EIF2D: variants seen among roughly 807,000 people sequenced by gnomAD.
The protein encoded by EIF2D is eukaryotic translation initiation factor 2D, also known as hepatocellular carcinoma-associated antigen 56.
In EIF2D, 56 loss-of-function variants were observed where a neutral mutation model predicts 77.4. The ratio of observed to expected loss-of-function variants is 0.72; its 90% CI spans 0.58 to 0.90. The LOEUF is 0.90. Among genes scored for constraint, EIF2D ranks in the 40% least tolerant of loss-of-function variants. The probability of loss-of-function intolerance (pLI) is 0.00; values close to 1 mark genes in which losing one functional copy is unlikely to be tolerated. For missense variants in EIF2D, 574 were observed against 706.5 expected, an observed-to-expected ratio of 0.81 and a Z score of 2.13; for synonymous variants, 230 against 271.0, an observed-to-expected ratio of 0.85 and a Z score of 1.49.
downstream of EIF2D, among the ~76,000 whole-genome samples, chr1:206,591,010 A>T (rs1553408846): frequency 6.6e-6 from 1 of 152,214 alleles, no homozygotes; most frequent in African/African-American, 2.4e-5. Flanking sequence ...TCTCTCAGGA[A>T]AATGATCGTA....
chr1:206,595,689 C>A, intron 13 of EIF2D, 29 bp downstream of exon 13: 1 of 1,609,766 alleles, frequency 6.2e-7, no homozygotes, highest in Non-Finnish European at 8.5e-7. Context: ...AAATCACTAT[C>A]CTTGAACATT....
At chr1:206,583,299 C>A in intron 2 of EIF2D, 1 of 1,613,464 alleles carries the variant, frequency 6.2e-7, no homozygotes, top group Non-Finnish European at 8.5e-7. Context: ...GGAGACACAG[C>A]GCCCGCCCAC....
chr1:206,578,471 C>T (rs1175740915), intron 4 of EIF2D, among the ~76,000 whole-genome samples: 3 of 151,992 alleles, frequency 2.0e-5, no homozygotes, highest in Non-Finnish European at 4.4e-5. Context: ...AGTGAATCAT[C>T]GTCATCATTC....
At position 206,612,414 on chromosome 1, in the gene EIF2D, G is replaced by T; in HGVS notation, c.-72C>A. 2 of 1,596,830 alleles carry T rather than the reference G, an allele frequency of 1.3e-6. No individual in the cohort carries two copies. The stretch of plus-strand genomic sequence containing the variant: ...TCAAGAAAGCGAGGGCGCAGCAGCT[G>T]CCAGGCCCTCAGCCGTGGGGGCAGC... On this transcript the variant is annotated 5_prime_UTR_variant, in exon 1 of 15. Coordinates refer to ENST00000271764, the MANE Select transcript of EIF2D (RefSeq NM_006893.3).
chr1:206,585,284 G>A (rs1553407380), intron 2 of EIF2D: 1 of 1,613,828 alleles, frequency 6.2e-7, no homozygotes. Context: ...GAATGAAACT[G>A]GAGAGGTAGA....
intron 13 of EIF2D, 138 bp downstream of exon 13, chr1:206,595,580 C>T: frequency 9.2e-7 from 1 of 1,085,346 alleles, no homozygotes; most frequent in East Asian, 2.5e-5. Context: ...AGCCCAGGCA[C>T]ATAAACACGG....
intron 4 of EIF2D, among the ~76,000 whole-genome samples, chr1:206,575,649 A>G (rs1192301767): frequency 1.3e-5 from 2 of 152,214 alleles, no homozygotes; most frequent in Non-Finnish European, 2.9e-5. Context: ...AAGAGGAAGC[A>G]ATGATGAGAA....
chr1:206,574,467 C>T (rs1462008694), intron 4 of EIF2D, among the ~76,000 whole-genome samples: 2 of 152,196 alleles, frequency 1.3e-5, no homozygotes, highest in East Asian at 1.9e-4. Context: ...ATCTGCTCTA[C>T]GTTTTTGTCT....
In EIF2D at chr1:206,584,341, GCAAGGC is replaced by G. The variant is rs1449456620; in HGVS notation, c.139-3185_139-3180del. ...GGCCCCGAGTGGCAGATATGATCAT[GCAAGGC>G]GGACGGCCCTGACCCCCTGTGACAT... On this transcript the variant is annotated intron_variant and NMD_transcript_variant, in intron 2 of 5. Transcript: ENST00000472709. This position sits in a 1 kb window ranked among gnomAD's most constrained non-coding sequence, Gnocchi z 4.9. The G allele has an allele frequency of 4.5e-6, 7 of 1,560,420 alleles. No homozygotes were observed. The highest frequency in any genetic ancestry group is 5.2e-6 in the Non-Finnish European group (6 of 1,151,018).
At chr1:206,580,181 A>G (rs1466059475) in intron 4 of EIF2D, among the ~76,000 whole-genome samples, 1 of 152,188 alleles carries the variant, frequency 6.6e-6, no homozygotes, top group African/African-American at 2.4e-5. Context: ...CTGCTGAAGA[A>G]AGGGGAACAG....
At chr1:206,590,274 C>T (rs1553408716), downstream of EIF2D, among the ~76,000 whole-genome samples, 1 of 152,142 alleles carries the variant, frequency 6.6e-6, no homozygotes, top group Non-Finnish European at 1.5e-5. Flanking sequence ...GGTCAAACCA[C>T]AATTAAGGGT....
intron 3 of EIF2D, 54 bp downstream of exon 3, chr1:206,609,322 G>A (rs1670356320): frequency 1.3e-6 from 2 of 1,529,896 alleles, no homozygotes; most frequent in East Asian, 2.2e-5. Context: ...ACATCAGTTG[G>A]CTTTTGCTAA....
chr1:206,612,369 A>G lies in EIF2D; in HGVS notation c.-27T>C, dbSNP rs782687339. 17 of 1,614,128 alleles carry G rather than the reference A, an allele frequency of 1.1e-5. No homozygotes were observed. The highest frequency in any genetic ancestry group is 1.2e-5 in the Non-Finnish European group (14 of 1,179,976). On this transcript the variant is annotated 5_prime_UTR_variant, in exon 1 of 15. Coordinates refer to ENST00000271764, the MANE Select transcript of EIF2D (RefSeq NM_006893.3). ...TCTGCTGGGGTGGCCTGGGGAAGAG[A>G]GCACAGAAGCCAGGGAATGTCAAGA...
chr1:206,607,684 A>AGAC (rs1224567858), intron 4 of EIF2D, among the ~76,000 whole-genome samples: 1 of 152,160 alleles, frequency 6.6e-6, no homozygotes, highest in African/African-American at 2.4e-5. Context: ...GGGTGATGAA[A>AGAC]GACAACAACA....
chr1:206,575,602 A>G (rs1668611665), intron 4 of EIF2D, among the ~76,000 whole-genome samples: 1 of 152,144 alleles, frequency 6.6e-6, no homozygotes, highest in African/African-American at 2.4e-5. Context: ...CTAGCCTCCA[A>G]GAGGCCCCCA....
At chr1:206,598,867 G>A in intron 11 of EIF2D, 136 bp downstream of exon 11, 1 of 837,428 alleles carries the variant, frequency 1.2e-6, no homozygotes, top group Non-Finnish European at 1.9e-6. Context: ...CCCATGGTTT[G>A]GAAACCACTG....
intron 2 of EIF2D, among the ~76,000 whole-genome samples, chr1:206,609,782 C>T (rs1210591860): frequency 6.6e-6 from 1 of 152,150 alleles, no homozygotes; most frequent in East Asian, 1.9e-4. Flanking sequence ...GAACAGGAAG[C>T]CAGCTGTATA....
chr1:206,585,182 C>T, intron 2 of EIF2D: 8 of 1,613,138 alleles, frequency 5.0e-6, no homozygotes, highest in Non-Finnish European at 6.8e-6. Context: ...GTTTGCAGTG[C>T]TCTTCCAGAA....
chr1:206,603,719 C>T (rs116587293), intron 5 of EIF2D, among the ~76,000 whole-genome samples: 258 of 152,306 alleles, frequency 1.7e-3, no homozygotes, highest in African/African-American at 5.2e-3. Flanking sequence ...TGCAGTCTAA[C>T]GTGGAAAGCA....
Sources: allele counts gnomAD v4.1 joint callset (sites outside exome capture counted in the v4.1 genomes callset), GRCh38; gene constraint gnomAD v4.1.1; non-coding constraint Gnocchi (gnomAD v3.1); transcripts MANE v1.5; gene names NCBI Gene and HGNC (gene_info 2026-07-23, HGNC 2026-07-21).